Variants in MFSD6 observed in about 807,000 individuals in gnomAD.
MFSD6 encodes major facilitator superfamily domain-containing protein 6.
MFSD6 carries 26 observed loss-of-function variants against 56.3 expected under a neutral mutation model. That is an observed-to-expected ratio of 0.46 (90% CI 0.34 to 0.64). The LOEUF (loss-of-function observed/expected upper bound fraction) is 0.64. MFSD6 is among the 30% of genes least tolerant of loss of function. The probability of loss-of-function intolerance (pLI) is 0.01; values close to 1 mark genes in which losing one functional copy is unlikely to be tolerated. For synonymous variants in MFSD6, 331 were observed against 366.9 expected, an observed-to-expected ratio of 0.90 and a Z score of 1.12; for missense variants, 750 against 986.2, an observed-to-expected ratio of 0.76 and a Z score of 3.21.
At chr2:190,420,828 TA>T (rs554948146) in intron 2 of MFSD6, among the ~76,000 whole-genome samples, 4 of 151,552 alleles carry the variant, frequency 2.6e-5, no homozygotes, top group African/African-American at 4.8e-5. Context: ...AAATATTGAG[TA>T]AAAAAAAATA....
intron 3 of MFSD6, among the ~76,000 whole-genome samples, chr2:190,445,234 TGGAGTCAG>T (rs140249587): frequency 1.6e-3 from 251 of 152,280 alleles, no homozygotes; most frequent in Non-Finnish European, 2.8e-3. Flanking sequence ...GCACTCAGAA[TGGAGTCAG>T]GCAGATAGCA....
In MFSD6 at chr2:190,423,488, T is replaced by C. The variant is rs76082470; in HGVS notation, c.-54+8075T>C. On this transcript the variant is annotated intron_variant, in intron 2 of 7. Coordinates refer to ENST00000392328, the MANE Select transcript of MFSD6 (RefSeq NM_017694.4). The surrounding 1 kb of genome is among the most constrained non-coding windows in gnomAD (Gnocchi z 4.3). Reference sequence around the variant, plus strand: ...TTTGCTCCTTTTTATTGCTGCATAATATCCCATAGTAAAGCTGTAGTACAA... The same window carrying C: ...TTTGCTCCTTTTTATTGCTGCATAACATCCCATAGTAAAGCTGTAGTACAA... Among the ~76,000 whole-genome samples, 26 of 152,366 alleles carry C rather than the reference T, an allele frequency of 1.7e-4. No individual in the cohort carries two copies. The highest frequency in any genetic ancestry group is 2.8e-4 in the Non-Finnish European group (19 of 68,036).
chr2:190,480,820 A>G (rs1559136417), intron 4 of MFSD6, among the ~76,000 whole-genome samples: 1 of 152,370 alleles, frequency 6.6e-6, no homozygotes, highest in East Asian at 1.9e-4. Context: ...ACAGTACCTG[A>G]CCCACAGTTA....
intron 4 of MFSD6, among the ~76,000 whole-genome samples, chr2:190,481,003 G>A (rs1217502890): frequency 2.6e-5 from 4 of 152,164 alleles, no homozygotes; most frequent in East Asian, 1.9e-4. Context: ...TGACCAAAGC[G>A]TAAGGGAAAT....
At position 190,418,838 on chromosome 2, in the gene MFSD6, C is replaced by CTAG. The variant is rs1033578809; in HGVS notation, c.-54+3429_-54+3431dup. 1.3e-5 allele frequency among the ~76,000 whole-genome samples: 2 copies of CTAG among 152,076 alleles called. No individual in the cohort carries two copies. Among genetic ancestry groups the CTAG allele is most frequent in the African/African-American group, 4.8e-5 (2 of 41,364 alleles). On this transcript the variant is annotated intron_variant, in intron 2 of 7. Transcript: ENST00000392328. The surrounding 1 kb of genome is among the most constrained non-coding windows in gnomAD (Gnocchi z 4.1). ...GAGTTTCAATCCCAGTGGAATGCTG[C>CTAG]TAGTAGCAGCTCTGGGGAGCTAGTA...
At position 190,410,403 on chromosome 2, in the gene MFSD6, G is replaced by C. The variant is rs959472004; in HGVS notation, c.-176+1900G>C. Among the ~76,000 whole-genome samples the C allele has an allele frequency of 5.9e-5, 9 of 152,120 alleles. No homozygotes were observed. ...TCCAAAGCCCAGGAAATTTCCACAT[G>C]GTGTCCCTCCCTAATCAGAACCTAT... On this transcript the variant is annotated intron_variant, in intron 1 of 7. Coordinates refer to ENST00000392328, the MANE Select transcript of MFSD6 (RefSeq NM_017694.4). This position sits in a 1 kb window ranked among gnomAD's most constrained non-coding sequence, Gnocchi z 4.4.
At chr2:190,482,903 T>TTTTTTTTTTTTTTTTTTTTTTTTC (rs544591315) in intron 4 of MFSD6, among the ~76,000 whole-genome samples, 1 of 86,228 alleles carries the variant, frequency 1.2e-5, no homozygotes, top group Admixed American at 1.7e-4. Flanking sequence ...TTTTTTTTTT[T>TTTTTTTTTTTTTTTTTTTTTTTTC]AGACGGAGTC....
At position 190,463,481 on chromosome 2, in the gene MFSD6, C is replaced by T. The variant is rs537528984; in HGVS notation, c.1533-6277C>T. ...CTCTAGGAAGACATCTATAACAATT[C>T]TGAAAAAAAAATTTTTTTTAGGGAC... On this transcript the variant is annotated intron_variant, in intron 3 of 7. Coordinates refer to ENST00000392328, the MANE Select transcript of MFSD6 (RefSeq NM_017694.4). The surrounding 1 kb of genome is among the most constrained non-coding windows in gnomAD (Gnocchi z 4.4). Among the ~76,000 whole-genome samples the T allele has an allele frequency of 2.0e-5, 3 of 151,838 alleles. No homozygotes were observed. Among genetic ancestry groups the T allele is most frequent in the Non-Finnish European group, 4.4e-5 (3 of 67,974 alleles).
chr2:190,455,258 A>C (rs1349044630), intron 3 of MFSD6, among the ~76,000 whole-genome samples: 1 of 146,090 alleles, frequency 6.8e-6, no homozygotes, highest in Non-Finnish European at 1.5e-5. Context: ...TTTCATTATT[A>C]CTATTAAGTT....
At position 190,413,837 on chromosome 2, in the gene MFSD6, GA is replaced by G. The variant is rs1223946202; in HGVS notation, c.-175-1453del. ...CATGAGCCCTGCTATACTGTGGGGT[GA>G]AGAGGAGACATGGCAGTCAGGGCCC... On this transcript the variant is annotated intron_variant, in intron 1 of 7. Coordinates refer to ENST00000392328, the MANE Select transcript of MFSD6 (RefSeq NM_017694.4). The surrounding 1 kb of genome is among the most constrained non-coding windows in gnomAD (Gnocchi z 4.1). 6.6e-6 allele frequency among the ~76,000 whole-genome samples: 1 copy of G among 152,206 alleles called. No homozygotes were observed. Among genetic ancestry groups the G allele is most frequent in the Non-Finnish European group, 1.5e-5 (1 of 68,040 alleles).
chr2:190,421,617 C>T (rs764688770), intron 2 of MFSD6, among the ~76,000 whole-genome samples: 1 of 152,134 alleles, frequency 6.6e-6, no homozygotes, highest in Non-Finnish European at 1.5e-5. Context: ...AGTTCTCACC[C>T]TGTCACCCAG....
chr2:190,489,187 GAGATTTTGAACC>G lies in MFSD6; in HGVS notation c.1792+373_1792+384del, dbSNP rs1311356499. Among the ~76,000 whole-genome samples the G allele has an allele frequency of 6.6e-6, 1 of 152,168 alleles. No individual in the cohort carries two copies. The highest frequency in any genetic ancestry group is 2.4e-5 in the African/African-American group (1 of 41,424). The stretch of plus-strand genomic sequence containing the variant: ...AAATTCATCATTGTTATTCCATTAG[GAGATTTTGAACC>G]AGAAGAATCTAACCATATGCTGGCT... On this transcript the variant is annotated intron_variant, in intron 5 of 7. Transcript: ENST00000392328. This position sits in a 1 kb window ranked among gnomAD's most constrained non-coding sequence, Gnocchi z 6.6.
intron 3 of MFSD6, among the ~76,000 whole-genome samples, chr2:190,466,465 A>G (rs1687609341): frequency 6.6e-6 from 1 of 152,234 alleles, no homozygotes; most frequent in Admixed American, 6.5e-5. Flanking sequence ...GGCTTCCTCA[A>G]AATGGTTGGT....
chr2:190,428,687 T>A (rs907256828), intron 2 of MFSD6, among the ~76,000 whole-genome samples: 1 of 151,952 alleles, frequency 6.6e-6, no homozygotes, highest in African/African-American at 2.4e-5. Context: ...ATTTATTTAT[T>A]TATTGAGACA....
intron 4 of MFSD6, among the ~76,000 whole-genome samples, chr2:190,473,603 A>G (rs1234548623): frequency 6.6e-6 from 1 of 152,140 alleles, no homozygotes; most frequent in African/African-American, 2.4e-5. Flanking sequence ...AGAGACTTAG[A>G]CTCCCACACA....
intron 4 of MFSD6, among the ~76,000 whole-genome samples, chr2:190,473,644 T>C (rs1418901661): frequency 6.6e-6 from 1 of 152,126 alleles, no homozygotes; most frequent in Non-Finnish European, 1.5e-5. Context: ...CACCCCACTG[T>C]CAACATTAGA....
At position 190,492,706 on chromosome 2, in the gene MFSD6, A is replaced by G. The variant is rs1689426559; in HGVS notation, c.1891+2840A>G. Among the ~76,000 whole-genome samples, 1 of 152,206 alleles carries G rather than the reference A, an allele frequency of 6.6e-6. No individual in the cohort carries two copies. Among genetic ancestry groups the G allele is most frequent in the African/African-American group, 2.4e-5 (1 of 41,448 alleles). On this transcript the variant is annotated intron_variant, in intron 6 of 7. Coordinates refer to ENST00000392328, the MANE Select transcript of MFSD6 (RefSeq NM_017694.4). This position sits in a 1 kb window ranked among gnomAD's most constrained non-coding sequence, Gnocchi z 5.2. ...TTTGTATCCAGTGAAACTAAGCTTC[A>G]TAAATAAAGGAAAGATACAGTCTTT...
At chr2:190,493,036 C>T (rs181212825) in intron 6 of MFSD6, among the ~76,000 whole-genome samples, 1 of 151,970 alleles carries the variant, frequency 6.6e-6, no homozygotes, top group East Asian at 1.9e-4. Context: ...CATTTCAATA[C>T]TAACATTGAA....
chr2:190,427,372 T>C (rs1028677009), intron 2 of MFSD6, among the ~76,000 whole-genome samples: 1 of 152,148 alleles, frequency 6.6e-6, no homozygotes, highest in African/African-American at 2.4e-5. Flanking sequence ...GGAGTGGGAA[T>C]AGGGTTATGA....
Sources: gnomAD v4.1 joint callset for allele counts (sites outside exome capture counted in the v4.1 genomes callset) on GRCh38, gnomAD v4.1.1 for gene constraint, Gnocchi (gnomAD v3.1) non-coding constraint, MANE v1.5 for transcripts, NCBI Gene and HGNC (gene_info 2026-07-23, HGNC 2026-07-21) for gene names.